UBE2E3: variants seen among roughly 807,000 people sequenced by gnomAD.
The protein encoded by UBE2E3 is ubiquitin conjugating enzyme E2 E3.
In UBE2E3, 5 loss-of-function variants were observed where a neutral mutation model predicts 23.6. That is an observed-to-expected ratio of 0.21 (90% CI 0.11 to 0.44). UBE2E3 has a LOEUF of 0.44. Ranked by LOEUF, UBE2E3 falls within the 20% of genes least tolerant of loss-of-function variation. The probability of loss-of-function intolerance (pLI) is 0.99; values close to 1 mark genes in which losing one functional copy is unlikely to be tolerated. For synonymous variants in UBE2E3, 78 were observed against 87.5 expected (o/e 0.89, Z 0.60); for missense variants, 81 against 249.8 (o/e 0.32, Z 4.55).
intron 3 of UBE2E3, among the ~76,000 whole-genome samples, chr2:180,987,077 G>A (rs1436554495): frequency 6.6e-6 from 1 of 152,032 alleles, no homozygotes; most frequent in African/African-American, 2.4e-5. Flanking sequence ...TGATAATGAC[G>A]TTATTTCCAG....
rs1206207155 is a variant in UBE2E3, at chr2:181,041,234, C to CAAAAAAAAAAAA, written c.246-16451_246-16440dup. Among the ~76,000 whole-genome samples, 494 of 77,146 alleles carry CAAAAAAAAAAAA rather than the reference C, an allele frequency of 6.4e-3. 34 individuals are homozygous for CAAAAAAAAAAAA. Among genetic ancestry groups the CAAAAAAAAAAAA allele is most frequent in the African/African-American group, 0.019 (359 of 18,956 alleles). The allele number at this position is 77,146 out of a possible 152,430, so 50.6% of individuals were successfully genotyped here. A position where few individuals can be genotyped will look rare whatever the true frequency, so the allele number is the denominator to read the frequency against. On this transcript the variant is annotated intron_variant, in intron 3 of 5. Coordinates refer to ENST00000410062, the MANE Select transcript of UBE2E3 (RefSeq NM_006357.4). ...CTAACGACAGAGCAAGACTCCGTCT[C>CAAAAAAAAAAAA]AAAAAAAAAAAAAAAAAAAGATAGA...
At chr2:181,059,941 T>G (rs1402635312) in intron 4 of UBE2E3, among the ~76,000 whole-genome samples, 1 of 151,708 alleles carries the variant, frequency 6.6e-6, no homozygotes, top group South Asian at 2.1e-4. Context: ...ATGAATTAGC[T>G]ATCCAATTAG....
At chr2:180,983,793 A>T (rs975533052) in intron 2 of UBE2E3, among the ~76,000 whole-genome samples, 4 of 152,228 alleles carry the variant, frequency 2.6e-5, no homozygotes, top group Non-Finnish European at 4.4e-5. Context: ...GTACTAGTGG[A>T]TGAGTATTTC....
At chr2:180,996,451 T>C (rs1684822634) in intron 3 of UBE2E3, among the ~76,000 whole-genome samples, 1 of 152,204 alleles carries the variant, frequency 6.6e-6, no homozygotes, top group Non-Finnish European at 1.5e-5. Context: ...TTTGTCACAA[T>C]AATTGAACTT....
chr2:180,981,054 C>A (rs1684271869), intron 1 of UBE2E3, 81 bp downstream of exon 1: 1 of 146,592 alleles, frequency 6.8e-6, no homozygotes, highest in Middle Eastern at 3.4e-3. Context: ...GGGCGGGCAG[C>A]TTTGTTCGCG....
intron 3 of UBE2E3, among the ~76,000 whole-genome samples, chr2:181,020,327 C>CTCTCT (rs1222207936): frequency 6.6e-6 from 1 of 152,136 alleles, no homozygotes; most frequent in Non-Finnish European, 1.5e-5. Flanking sequence ...GTATCTCTGT[C>CTCTCT]TCTCTTCTCT....
chr2:180,984,153 G>A (rs999510537), intron 3 of UBE2E3, 60 bp downstream of exon 3: 2 of 1,455,946 alleles, frequency 1.4e-6, no homozygotes, highest in South Asian at 1.2e-5. Context: ...AGAGATTGAT[G>A]TATTGTCTGG....
chr2:181,056,241 T>G (rs951747720), intron 3 of UBE2E3, among the ~76,000 whole-genome samples: 5 of 151,756 alleles, frequency 3.3e-5, no homozygotes, highest in Non-Finnish European at 7.4e-5. Context: ...ATACCAGTAA[T>G]ACTTCTGTAC....
At position 181,023,828 on chromosome 2, in the gene UBE2E3, G is replaced by C. The variant is rs116588500; in HGVS notation, c.246-33865G>C. ...TTTTGGTGTGAGAATTAAATGAATT[G>C]ATACATGGAAAGTTCATAAACTGGT... is the stretch of plus-strand genomic sequence containing the variant. On this transcript the variant is annotated intron_variant, in intron 3 of 5. Coordinates refer to ENST00000410062, the MANE Select transcript of UBE2E3 (RefSeq NM_006357.4). Among the ~76,000 whole-genome samples the C allele has an allele frequency of 8.4e-3, 1,284 of 152,178 alleles. 21 individuals carry two copies. Among genetic ancestry groups the C allele is most frequent in the African/African-American group, 0.029 (1,219 of 41,506 alleles).
In UBE2E3 at chr2:181,033,261, G is replaced by A. The variant is rs180868641; in HGVS notation, c.246-24432G>A. Among the ~76,000 whole-genome samples the A allele has an allele frequency of 1.3e-3, 191 of 152,216 alleles. 1 individual carries two copies. Among genetic ancestry groups the A allele is most frequent in the African/African-American group, 4.1e-3 (170 of 41,536 alleles). ...AAAAGAGCAAAGCTGGAGGCATCAC[G>A]CTACCTGACTTCAAACTATACTACA... On this transcript the variant is annotated intron_variant, in intron 3 of 5. Transcript: ENST00000410062.
At chr2:181,045,967 A>G (rs1686662660) in intron 3 of UBE2E3, among the ~76,000 whole-genome samples, 1 of 152,108 alleles carries the variant, frequency 6.6e-6, no homozygotes, top group Admixed American at 6.6e-5. Flanking sequence ...GTGACTTTGT[A>G]TCTATCCAGC....
intron 3 of UBE2E3, among the ~76,000 whole-genome samples, chr2:181,037,812 T>C (rs1476038337): frequency 1.3e-5 from 2 of 152,070 alleles, no homozygotes; most frequent in East Asian, 1.9e-4. Flanking sequence ...CTACAAAAAA[T>C]TTAAAAATTA....
intron 3 of UBE2E3, among the ~76,000 whole-genome samples, chr2:180,986,921 A>T (rs773034952): frequency 1.2e-4 from 18 of 152,254 alleles, no homozygotes; most frequent in Non-Finnish European, 2.5e-4. Flanking sequence ...TTAATGAAAT[A>T]TTCTTTAATT....
At chr2:181,020,770 T>A (rs1311610989) in intron 3 of UBE2E3, among the ~76,000 whole-genome samples, 1 of 152,138 alleles carries the variant, frequency 6.6e-6, no homozygotes, top group Non-Finnish European at 1.5e-5. Flanking sequence ...ATGTAATGCA[T>A]AAGGAAAAAA....
At chr2:180,998,720 G>A (rs186856661) in intron 3 of UBE2E3, among the ~76,000 whole-genome samples, 3 of 152,176 alleles carry the variant, frequency 2.0e-5, no homozygotes, top group South Asian at 2.1e-4. Context: ...AAATTGTGGT[G>A]CAAACAGCTG....
upstream of UBE2E3, chr2:180,980,372 G>C (rs1283888582): frequency 6.6e-6 from 1 of 151,732 alleles, no homozygotes; most frequent in African/African-American, 2.4e-5. The surrounding 1 kb of genome is among the most constrained non-coding windows in gnomAD (Gnocchi z 5.5). Flanking sequence ...CACAGGCTCC[G>C]CGGCCAAGGG....
intron 3 of UBE2E3, among the ~76,000 whole-genome samples, chr2:181,035,667 A>G (rs184398752): frequency 5.1e-4 from 78 of 152,298 alleles, no homozygotes; most frequent in African/African-American, 1.8e-3. Flanking sequence ...AACTTCCTTG[A>G]AACATTATTA....
At chr2:180,985,856 G>T (rs553027599) in intron 3 of UBE2E3, among the ~76,000 whole-genome samples, 3 of 152,140 alleles carry the variant, frequency 2.0e-5, no homozygotes, top group Admixed American at 6.5e-5. Flanking sequence ...TAAATCTAGA[G>T]AGCCTAGTAG....
chr2:181,025,507 T>C (rs533750222), intron 3 of UBE2E3, among the ~76,000 whole-genome samples: 9 of 135,892 alleles, frequency 6.6e-5, no homozygotes, highest in Non-Finnish European at 1.3e-4. Flanking sequence ...ATATTTGGGA[T>C]ATATGGCATT....
Sources: allele counts gnomAD v4.1 joint callset (sites outside exome capture counted in the v4.1 genomes callset), GRCh38; gene constraint gnomAD v4.1.1; non-coding constraint Gnocchi (gnomAD v3.1); transcripts MANE v1.5; gene names NCBI Gene and HGNC (gene_info 2026-07-23, HGNC 2026-07-21).